The following XKR4 variants were observed in gnomAD, a reference collection of about 807,000 sequenced individuals.
The protein encoded by XKR4 is XK-related protein 4.
XKR4 carries 12 observed loss-of-function variants against 53.9 expected under a neutral mutation model. The observed-to-expected ratio is 0.22, with a 90% CI of 0.14 to 0.36. The LOEUF (loss-of-function observed/expected upper bound fraction) is 0.36. Ranked by LOEUF, XKR4 falls within the 10% of genes least tolerant of loss-of-function variation. XKR4 has a pLI of 1.00. For missense variants in XKR4, 799 were observed against 859.5 expected, an observed-to-expected ratio of 0.93 and a Z score of 0.88; for synonymous variants, 354 against 362.4, an observed-to-expected ratio of 0.98 and a Z score of 0.26.
chr8:55,102,346 A>G lies in XKR4; in HGVS notation c.-143A>G, dbSNP rs2129349965. On this transcript the variant is annotated 5_prime_UTR_variant, in exon 1 of 3. Coordinates refer to ENST00000327381, the MANE Select transcript of XKR4 (RefSeq NM_052898.2). The surrounding 1 kb of genome is among the most constrained non-coding windows in gnomAD (Gnocchi z 5.1). The stretch of plus-strand genomic sequence containing the variant: ...CGGGCGGCGGGCGGCGGCGGACGGC[A>G]GGCGAGCCGACGCAGGAGCAGGAGG... The G allele has an allele frequency of 1.8e-6, 2 of 1,083,162 alleles. No homozygotes were observed. Among genetic ancestry groups the G allele is most frequent in the Non-Finnish European group, 2.3e-6 (2 of 876,668 alleles). The allele number at this position is 1,083,162 out of a possible 1,614,324, so 67.1% of individuals were successfully genotyped here.
At chr8:55,259,392 C>T (rs1294706758) in intron 1 of XKR4, among the ~76,000 whole-genome samples, 3 of 152,256 alleles carry the variant, frequency 2.0e-5, no homozygotes, top group East Asian at 1.9e-4. Flanking sequence ...GCTACTAGTG[C>T]GATATGAGTT....
At chr8:55,411,196 C>T (rs1261508789) in intron 2 of XKR4, among the ~76,000 whole-genome samples, 2 of 152,126 alleles carry the variant, frequency 1.3e-5, no homozygotes, top group East Asian at 3.9e-4. Context: ...GGAACAAAGC[C>T]CAAGTCTACC....
At chr8:55,212,704 T>A (rs1817746088) in intron 1 of XKR4, among the ~76,000 whole-genome samples, 1 of 152,210 alleles carries the variant, frequency 6.6e-6, no homozygotes, top group Non-Finnish European at 1.5e-5. Flanking sequence ...ATTCAGAGGC[T>A]ACTACTATGA....
intron 1 of XKR4, among the ~76,000 whole-genome samples, chr8:55,288,074 A>G (rs1290495022): frequency 2.0e-5 from 3 of 152,210 alleles, no homozygotes; most frequent in African/African-American, 7.2e-5. Flanking sequence ...ATCAGCTATC[A>G]TTAGTGTTAG....
At chr8:55,504,918 A>T (rs900349859) in intron 2 of XKR4, among the ~76,000 whole-genome samples, 1 of 152,022 alleles carries the variant, frequency 6.6e-6, no homozygotes, top group African/African-American at 2.4e-5. Context: ...AACTTTTGCT[A>T]CTGATTTTAA....
chr8:55,480,715 A>G (rs1045929967), intron 2 of XKR4, among the ~76,000 whole-genome samples: 2 of 147,996 alleles, frequency 1.4e-5, no homozygotes, highest in African/African-American at 5.2e-5. Context: ...CTCAGGATAC[A>G]AAATCAATGT....
At chr8:55,357,518 T>C (rs538673742) in intron 1 of XKR4, among the ~76,000 whole-genome samples, 160 bp from the exon 2 acceptor site, 2 of 152,356 alleles carry the variant, frequency 1.3e-5, no homozygotes, top group South Asian at 4.1e-4. Context: ...ATATGGGTAC[T>C]CTTAAGCAGT....
chr8:55,224,152 A>T lies in XKR4; in HGVS notation c.806+120858A>T, dbSNP rs899631559. On this transcript the variant is annotated intron_variant, in intron 1 of 2. Transcript: ENST00000327381. Reference sequence around the variant, plus strand: ...TTCATTTTTGCCTCCTTCCTCTAAGAATTATATTCTTTTATTCTGTCAGGT... The same window carrying T: ...TTCATTTTTGCCTCCTTCCTCTAAGTATTATATTCTTTTATTCTGTCAGGT... 3.3e-5 allele frequency among the ~76,000 whole-genome samples: 5 copies of T among 151,990 alleles called. No homozygotes were observed. In the East Asian group the frequency reaches 9.6e-4, roughly 29 times the overall value.
rs901829577 is a variant in XKR4 at position 55,535,512 on chromosome 8, T to C, written c.*11285T>C. On this transcript the variant is annotated 3_prime_UTR_variant, in exon 3 of 3. Coordinates refer to ENST00000327381, the MANE Select transcript of XKR4 (RefSeq NM_052898.2). ...TTCTGAACCCCAGAGCCCACATAGGTACAAAGATACTCTGTAATGTACAAT... is the reference window on the plus strand; with the variant it reads ...TTCTGAACCCCAGAGCCCACATAGGCACAAAGATACTCTGTAATGTACAAT... 10 of 151,904 alleles carry C rather than the reference T, an allele frequency of 6.6e-5. No individual in the cohort carries two copies. The highest frequency in any genetic ancestry group is 2.4e-4 in the African/African-American group (10 of 41,342). 9.4% of individuals were successfully genotyped at this position (151,904 alleles called of 1,614,324 possible). A position where few individuals can be genotyped will look rare whatever the true frequency, so the allele number is the denominator to read the frequency against.
intron 1 of XKR4, among the ~76,000 whole-genome samples, chr8:55,354,253 T>C (rs185657545): frequency 6.6e-6 from 1 of 152,190 alleles, no homozygotes; most frequent in Admixed American, 6.5e-5. Context: ...GGGAGGGTGT[T>C]CTCAATGATC....
At chr8:55,468,456 A>T (rs754788430) in intron 2 of XKR4, among the ~76,000 whole-genome samples, 72 of 151,780 alleles carry the variant, frequency 4.7e-4, no homozygotes, top group Non-Finnish European at 8.8e-4. Flanking sequence ...GTTATATCTA[A>T]TTTTTTTTCT....
At chr8:55,307,722 G>C (rs187751309) in intron 1 of XKR4, among the ~76,000 whole-genome samples, 2 of 152,178 alleles carry the variant, frequency 1.3e-5, no homozygotes, top group Admixed American at 1.3e-4. Context: ...TCAGAAATTA[G>C]GGGAGTACAA....
At chr8:55,372,998 T>C (rs1175849825) in intron 2 of XKR4, among the ~76,000 whole-genome samples, 1 of 152,158 alleles carries the variant, frequency 6.6e-6, no homozygotes, top group Non-Finnish European at 1.5e-5. Context: ...AGATTCACTC[T>C]TCAAAGCTCA....
At chr8:55,186,755 T>G (rs1817384212) in intron 1 of XKR4, among the ~76,000 whole-genome samples, 1 of 152,220 alleles carries the variant, frequency 6.6e-6, no homozygotes. Context: ...ATACTTTTTT[T>G]TCCACACTCA....
intron 1 of XKR4, among the ~76,000 whole-genome samples, chr8:55,228,699 TCTA>T (rs1817990788): frequency 6.6e-6 from 1 of 152,224 alleles, no homozygotes; most frequent in Non-Finnish European, 1.5e-5. Context: ...GAGGAGGCAA[TCTA>T]CTGCTGGCCT....
intron 1 of XKR4, among the ~76,000 whole-genome samples, chr8:55,346,826 TC>T (rs980522840): frequency 2.2e-4 from 33 of 152,170 alleles, no homozygotes; most frequent in African/African-American, 8.0e-4. Flanking sequence ...CAGATTTCAC[TC>T]TGTATTTTTC....
intron 1 of XKR4, among the ~76,000 whole-genome samples, chr8:55,224,124 C>T (rs1409143702): frequency 6.6e-6 from 1 of 152,140 alleles, no homozygotes; most frequent in African/African-American, 2.4e-5. Context: ...TCCTCTCTCC[C>T]TTTTCATTTT....
chr8:55,217,972 C>A (rs1198004323), intron 1 of XKR4, among the ~76,000 whole-genome samples: 1 of 152,162 alleles, frequency 6.6e-6, no homozygotes, highest in Non-Finnish European at 1.5e-5. Context: ...AGTAGAAGGT[C>A]TTTTATAATT....
chr8:55,197,036 G>C (rs1270213230), intron 1 of XKR4, among the ~76,000 whole-genome samples: 1 of 152,162 alleles, frequency 6.6e-6, no homozygotes, highest in African/African-American at 2.4e-5. Context: ...CAAGTGGGGA[G>C]AGAAAAACAA....
Sources: gnomAD v4.1 joint callset for allele counts (sites outside exome capture counted in the v4.1 genomes callset) on GRCh38, gnomAD v4.1.1 for gene constraint, Gnocchi (gnomAD v3.1) non-coding constraint, MANE v1.5 for transcripts, NCBI Gene and HGNC (gene_info 2026-07-23, HGNC 2026-07-21) for gene names.